The following SPON1 variants were observed in gnomAD, a reference collection of about 807,000 sequenced individuals.
The protein encoded by SPON1 is spondin-1.
SPON1 carries 52 observed loss-of-function variants against 111.7 expected under a neutral mutation model. The observed-to-expected ratio is 0.47, with a 90% CI of 0.37 to 0.59. SPON1 has a LOEUF of 0.59. Ranked by LOEUF, SPON1 falls within the 20% of genes least tolerant of loss-of-function variation. The probability of loss-of-function intolerance (pLI) is 0.00; values close to 1 mark genes in which losing one functional copy is unlikely to be tolerated. For missense variants in SPON1, 957 were observed against 1,068.5 expected (o/e 0.90, Z 1.46); for synonymous variants, 410 against 395.8 (o/e 1.04, Z -0.43).
chr11:14,052,683 G>A (rs916327436), intron 3 of SPON1, among the ~76,000 whole-genome samples: 19 of 152,328 alleles, frequency 1.2e-4, no homozygotes, highest in African/African-American at 4.1e-4. Flanking sequence ...CATCCAACAG[G>A]TGGAATCCAG....
chr11:14,136,641 A>G (rs1246295881), intron 6 of SPON1, among the ~76,000 whole-genome samples: 1 of 152,244 alleles, frequency 6.6e-6, no homozygotes, highest in East Asian at 1.9e-4. Context: ...GACTCCTGCT[A>G]TAAATCCCCT....
intron 2 of SPON1, among the ~76,000 whole-genome samples, chr11:14,037,074 G>A (rs1848600005): frequency 6.6e-6 from 1 of 152,052 alleles, no homozygotes; most frequent in Non-Finnish European, 1.5e-5. Flanking sequence ...GTAACTGGAG[G>A]GGGATGAAGA....
chr11:14,252,906 G>A (rs114758904), intron 7 of SPON1, among the ~76,000 whole-genome samples: 2,384 of 152,366 alleles, frequency 0.016, 64 homozygotes, highest in African/African-American at 0.054. Flanking sequence ...ATAGGGTGGG[G>A]CTCAAGAATC....
chr11:14,060,976 T>C (rs529772309), intron 3 of SPON1, among the ~76,000 whole-genome samples: 19 of 152,210 alleles, frequency 1.2e-4, no homozygotes, highest in Middle Eastern at 3.4e-3. Flanking sequence ...TGAGAAGTTA[T>C]AATAAATAGT....
At chr11:14,069,732 C>G (rs1207775946) in intron 3 of SPON1, among the ~76,000 whole-genome samples, 3 of 151,998 alleles carry the variant, frequency 2.0e-5, no homozygotes, top group African/African-American at 7.2e-5. Context: ...GGAATAATCT[C>G]ATTTCAGCTA....
intron 1 of SPON1, among the ~76,000 whole-genome samples, chr11:13,982,166 ATATGTATG>A (rs60172146): frequency 7.3e-4 from 111 of 151,094 alleles, no homozygotes; most frequent in Admixed American, 1.5e-3. Context: ...AAACTTTATC[ATATGTATG>A]TATGTATGTA....
rs77133878 is a variant in SPON1 at position 14,166,894 on chromosome 11, A to G, written c.825+31326A>G. Among the ~76,000 whole-genome samples the G allele has an allele frequency of 4.4e-3, 668 of 152,248 alleles. 3 individuals carry two copies. Among genetic ancestry groups the G allele is most frequent in the African/African-American group, 0.016 (650 of 41,560 alleles). ...AATCCTGCATTTAAGAGCACCTTAA[A>G]TAGCTCATTATAAAACCATCTTTTA... On this transcript the variant is annotated intron_variant, in intron 6 of 15. Coordinates refer to ENST00000576479, the MANE Select transcript of SPON1 (RefSeq NM_006108.4).
Position 14,005,877 on chromosome 11 carries a change from A to G in SPON1, c.345+22924A>G, listed in dbSNP as rs75666740. 9.2e-5 allele frequency among the ~76,000 whole-genome samples: 14 copies of G among 152,282 alleles called. No individual in the cohort carries two copies. In the East Asian group the frequency reaches 2.7e-3, roughly 29 times the overall value. ...CCTGGGTTCAAATCCTGAATCTACA[A>G]TTCTGCTCTATGACCTCTCTAAGGC... On this transcript the variant is annotated intron_variant, in intron 2 of 15. Coordinates refer to ENST00000576479, the MANE Select transcript of SPON1 (RefSeq NM_006108.4).
intron 5 of SPON1, among the ~76,000 whole-genome samples, chr11:14,109,669 G>A (rs1320991632): frequency 6.6e-6 from 1 of 151,990 alleles, no homozygotes; most frequent in Non-Finnish European, 1.5e-5. Context: ...GTAATTATTT[G>A]TTTAATTAAA....
chr11:14,212,319 C>A (rs1190189555), intron 6 of SPON1, among the ~76,000 whole-genome samples: 2 of 152,118 alleles, frequency 1.3e-5, no homozygotes, highest in Non-Finnish European at 2.9e-5. Flanking sequence ...TAAAAAATTT[C>A]TACCTCCATT....
At chr11:14,096,036 A>G (rs1849098359) in intron 5 of SPON1, among the ~76,000 whole-genome samples, 1 of 152,212 alleles carries the variant, frequency 6.6e-6, no homozygotes, top group Admixed American at 6.5e-5. Flanking sequence ...ATAGGATTTC[A>G]CCAGGAAATG....
Position 14,075,325 on chromosome 11 carries a change from TG to T in SPON1, c.480-17del. ...TTCCTGCCCTCCTCACCACTGTGCT[TG>T]GGTCTTCTTTCTTCACAGGGCCAGC... On this transcript the variant is annotated intron_variant, in intron 3 of 15. Coordinates refer to ENST00000576479, the MANE Select transcript of SPON1 (RefSeq NM_006108.4). 1 of 1,551,440 alleles carries T rather than the reference TG, an allele frequency of 6.4e-7. No individual in the cohort carries two copies. Among genetic ancestry groups the T allele is most frequent in the Non-Finnish European group, 8.7e-7 (1 of 1,145,560 alleles).
At chr11:14,148,540 T>G (rs1847751270) in intron 6 of SPON1, among the ~76,000 whole-genome samples, 1 of 152,230 alleles carries the variant, frequency 6.6e-6, no homozygotes, top group South Asian at 2.1e-4. Context: ...ATGCTGTATC[T>G]GAAAGCACAT....
At chr11:14,246,456 T>G in intron 7 of SPON1, among the ~76,000 whole-genome samples, 1 of 152,178 alleles carries the variant, frequency 6.6e-6, no homozygotes, top group East Asian at 1.9e-4. Flanking sequence ...CCTGTGCTTT[T>G]CACTATAACA....
chr11:14,073,912 A>G (rs560816304), intron 3 of SPON1, among the ~76,000 whole-genome samples: 13 of 152,298 alleles, frequency 8.5e-5, no homozygotes, highest in Admixed American at 2.6e-4. Flanking sequence ...GGTTGAAATT[A>G]GGATGGAGCC....
intron 5 of SPON1, among the ~76,000 whole-genome samples, chr11:14,129,314 C>A (rs1847500488): frequency 6.6e-6 from 1 of 152,148 alleles, no homozygotes; most frequent in African/African-American, 2.4e-5. Flanking sequence ...CAGGTCAAAT[C>A]TTAAATGCTT....
intron 6 of SPON1, among the ~76,000 whole-genome samples, chr11:14,200,078 A>C (rs1199877739): frequency 6.6e-6 from 1 of 151,846 alleles, no homozygotes; most frequent in Non-Finnish European, 1.5e-5. Flanking sequence ...ACCCTCCAAG[A>C]CACAACTTAA....
At chr11:14,116,516 CAT>C (rs1849268120) in intron 5 of SPON1, among the ~76,000 whole-genome samples, 2 of 152,090 alleles carry the variant, frequency 1.3e-5, no homozygotes, top group Non-Finnish European at 2.9e-5. Flanking sequence ...TTACTTTTGT[CAT>C]ACATCAAGTG....
chr11:14,152,373 A>G (rs1052315940), intron 6 of SPON1, among the ~76,000 whole-genome samples: 14 of 152,244 alleles, frequency 9.2e-5, no homozygotes, highest in African/African-American at 3.1e-4. Context: ...CTACTGCTTC[A>G]TTAATCAATG....
Sources: allele counts gnomAD v4.1 joint callset (sites outside exome capture counted in the v4.1 genomes callset), GRCh38; gene constraint gnomAD v4.1.1; transcripts MANE v1.5; gene names NCBI Gene and HGNC (gene_info 2026-07-23, HGNC 2026-07-21).